The following ENTREP3 variants were observed in gnomAD, a reference collection of about 807,000 sequenced individuals.
ENTREP3 encodes the protein endosomal transmembrane epsin interactor 3.
the ENTREP3 span, chr1:155,253,741 G>A: frequency 5.8e-5 from 93 of 1,608,284 alleles, 1 homozygote; most frequent in Middle Eastern, 6.6e-4. Flanking sequence ...TTCTGGGGAA[G>A]GGAAAGGAGG....
At chr1:155,252,939 G>A in the ENTREP3 span, 54,383 of 145,806 alleles carry the variant, frequency 0.37, 12,168 homozygotes, top group East Asian at 0.7. Context: ...ATGGAGTCTT[G>A]CTCTGTCGCC....
the ENTREP3 span, chr1:155,251,634 A>G: frequency 8.1e-6 from 13 of 1,604,512 alleles, no homozygotes; most frequent in African/African-American, 1.5e-4. Context: ...AATGTAGGAG[A>G]AATAATTCCC....
the ENTREP3 span, chr1:155,254,313 G>A: frequency 6.5e-7 from 1 of 1,528,544 alleles, no homozygotes. The surrounding 1 kb of genome is among the most constrained non-coding windows in gnomAD (Gnocchi z 4.4). Flanking sequence ...CAACTGGGGA[G>A]CCAGTTCCCT....
At chr1:155,248,671 T>G in the ENTREP3 span, among the ~76,000 whole-genome samples, 1 of 150,130 alleles carries the variant, frequency 6.7e-6, no homozygotes, top group Non-Finnish European at 1.5e-5. Context: ...GCAGTGGTGT[T>G]GTTCAGCACC....
chr1:155,253,676 G>T, the ENTREP3 span: 1 of 1,613,774 alleles, frequency 6.2e-7, no homozygotes. Flanking sequence ...CAATAGCAGA[G>T]AGTGTACAGA....
At chr1:155,250,492 C>A in the ENTREP3 span, 2 of 1,492,924 alleles carry the variant, frequency 1.3e-6, no homozygotes, top group East Asian at 2.5e-5. This position sits in a 1 kb window ranked among gnomAD's most constrained non-coding sequence, Gnocchi z 5.4. Flanking sequence ...CAGGGTCCCA[C>A]CCAGGGCGGC....
the ENTREP3 span, chr1:155,250,407 G>C: frequency 6.6e-7 from 1 of 1,505,716 alleles, no homozygotes; most frequent in South Asian, 1.3e-5. This position sits in a 1 kb window ranked among gnomAD's most constrained non-coding sequence, Gnocchi z 5.4. Flanking sequence ...GAAGCGACGA[G>C]TCGGGGCTCG....
the ENTREP3 span, chr1:155,253,336 T>A: frequency 2.1e-5 from 7 of 341,178 alleles, no homozygotes; most frequent in Non-Finnish European, 3.7e-5. Flanking sequence ...TGAGCCACCG[T>A]GCCCAGCATA....
At chr1:155,251,364 C>T in the ENTREP3 span, 4 of 738,142 alleles carry the variant, frequency 5.4e-6, no homozygotes, top group Admixed American at 8.3e-5. Context: ...TAGGGAAGAT[C>T]AAAGGCAACA....
chr1:155,254,630 C>A, the ENTREP3 span: 1 of 1,603,448 alleles, frequency 6.2e-7, no homozygotes, highest in Admixed American at 1.7e-5. The surrounding 1 kb of genome is among the most constrained non-coding windows in gnomAD (Gnocchi z 4.4). Flanking sequence ...CTCCCCCACC[C>A]AACAACTGTG....
the ENTREP3 span, chr1:155,251,892 C>A: frequency 1.4e-6 from 2 of 1,442,074 alleles, no homozygotes; most frequent in Middle Eastern, 1.8e-4. Context: ...TGAGACTGAC[C>A]GCTCAGGGGC....
chr1:155,247,709 G>A, the ENTREP3 span: 1 of 1,367,922 alleles, frequency 7.3e-7, no homozygotes, highest in Non-Finnish European at 9.8e-7. Context: ...AGTGCAAGAG[G>A]ATGCTGGGGG....
chr1:155,253,798 G>T, the ENTREP3 span: 1 of 1,609,724 alleles, frequency 6.2e-7, no homozygotes, highest in African/African-American at 1.3e-5. Flanking sequence ...GGGCCTGTGA[G>T]TACCCCAGCA....
At chr1:155,250,746 G>C in the ENTREP3 span, 1 of 1,612,828 alleles carries the variant, frequency 6.2e-7, no homozygotes, top group Admixed American at 1.7e-5. This position sits in a 1 kb window ranked among gnomAD's most constrained non-coding sequence, Gnocchi z 5.4. Flanking sequence ...CAGCAGGCAC[G>C]AGTCCTCCGA....
At chr1:155,251,256 C>G in the ENTREP3 span, 1 of 1,054,466 alleles carries the variant, frequency 9.5e-7, no homozygotes, top group Non-Finnish European at 1.4e-6. Context: ...TCCAGACCAG[C>G]CTTGTCCCTT....
chr1:155,251,472 A>G, the ENTREP3 span: 4 of 1,558,736 alleles, frequency 2.6e-6, no homozygotes, highest in East Asian at 6.7e-5. Flanking sequence ...CCGGCTCCCC[A>G]GCCCGCCCCA....
the ENTREP3 span, chr1:155,250,528 G>A: frequency 1.2e-5 from 18 of 1,532,840 alleles, no homozygotes; most frequent in Non-Finnish European, 1.1e-5. The surrounding 1 kb of genome is among the most constrained non-coding windows in gnomAD (Gnocchi z 5.4). Context: ...TGGCAGCTGC[G>A]GGCAGCTGTG....
chr1:155,250,487 TCC>T, the ENTREP3 span: 1 of 1,489,690 alleles, frequency 6.7e-7, no homozygotes. The surrounding 1 kb of genome is among the most constrained non-coding windows in gnomAD (Gnocchi z 5.4). Context: ...GGAAGCAGGG[TCC>T]CACCCAGGGC....
the ENTREP3 span, chr1:155,247,595 C>T: frequency 2.8e-6 from 2 of 726,844 alleles, no homozygotes; most frequent in Non-Finnish European, 5.1e-6. Flanking sequence ...AGGACAGAAG[C>T]TCTCCCAGTC....
Sources: gnomAD v4.1 joint callset for allele counts (sites outside exome capture counted in the v4.1 genomes callset) on GRCh38, gnomAD v4.1.1 for gene constraint, Gnocchi (gnomAD v3.1) non-coding constraint, MANE v1.5 for transcripts, NCBI Gene and HGNC (gene_info 2026-07-23, HGNC 2026-07-21) for gene names.